The following WDR72 variants were observed in gnomAD, a reference collection of about 807,000 sequenced individuals.
WDR72 encodes WD repeat domain 72, also known as WD repeat-containing protein 72.
WDR72 carries 120 observed loss-of-function variants against 124.2 expected under a neutral mutation model. That is an observed-to-expected ratio of 0.97 (90% CI 0.83 to 1.12). WDR72 has a LOEUF of 1.12. WDR72 is among the 50% of genes most tolerant of loss of function. The pLI is 0.00. For synonymous variants in WDR72, 452 were observed against 441.7 expected, an observed-to-expected ratio of 1.02 and a Z score of -0.29; for missense variants, 1,387 against 1,278.8, an observed-to-expected ratio of 1.08 and a Z score of -1.29.
chr15:53,654,885 T>G (rs1020566901), intron 14 of WDR72, among the ~76,000 whole-genome samples: 3 of 152,206 alleles, frequency 2.0e-5, no homozygotes, highest in African/African-American at 7.2e-5. Context: ...CAAGATATTT[T>G]AAGCTGATCG....
chr15:53,708,731 C>T (rs1353177165), intron 9 of WDR72, among the ~76,000 whole-genome samples: 4 of 152,180 alleles, frequency 2.6e-5, no homozygotes, highest in Admixed American at 6.5e-5. Context: ...CATGCACACA[C>T]ATTTTTTATT....
At position 53,665,686 on chromosome 15, in the gene WDR72, TAC is replaced by T; in HGVS notation, c.1846_1847del (p.Val616ThrfsTer9). The T allele has an allele frequency of 6.2e-7, 1 of 1,613,912 alleles. No individual in the cohort carries two copies. Among genetic ancestry groups the T allele is most frequent in the South Asian group, 1.1e-5 (1 of 91,088 alleles). On this transcript the variant is annotated frameshift_variant, in exon 14 of 20. Coordinates refer to ENST00000360509, the MANE Select transcript of WDR72 (RefSeq NM_182758.4). LOFTEE classifies it high-confidence loss of function. ...TAAGTGTCTCTGAGGCAATGGGAAGTACAGACTTCACAAGCTGTGAATCATCA... is the reference window on the plus strand; with the variant it reads ...TAAGTGTCTCTGAGGCAATGGGAAGTAGACTTCACAAGCTGTGAATCATCA... ...CCDDSQLVKS[V>X]LPIASETLKH... is the part of the protein sequence containing the mutation.
intron 13 of WDR72, among the ~76,000 whole-genome samples, chr15:53,685,524 A>G (rs1274817450): frequency 1.4e-5 from 2 of 142,614 alleles, no homozygotes; most frequent in Non-Finnish European, 3.0e-5. Flanking sequence ...AAGAATAAAA[A>G]GAAATGAGCA....
At chr15:53,527,147 A>T (rs867519099) in intron 18 of WDR72, among the ~76,000 whole-genome samples, 3 of 152,110 alleles carry the variant, frequency 2.0e-5, no homozygotes, top group South Asian at 2.1e-4. Context: ...AATCACATTC[A>T]AGAACACTGT....
intron 14 of WDR72, among the ~76,000 whole-genome samples, chr15:53,652,958 T>C: frequency 6.6e-6 from 1 of 152,188 alleles, no homozygotes; most frequent in East Asian, 1.9e-4. Flanking sequence ...TGTCTAAATA[T>C]CAGTGGAGGC....
At chr15:53,575,006 AACACAC>A (rs3081214) in intron 18 of WDR72, among the ~76,000 whole-genome samples, 1,478 of 147,102 alleles carry the variant, frequency 0.01, 6 homozygotes, top group East Asian at 0.022. Context: ...AATCAAACAC[AACACAC>A]ACACACACAC....
intron 18 of WDR72, among the ~76,000 whole-genome samples, chr15:53,526,434 T>C (rs1201538269): frequency 6.6e-6 from 1 of 152,072 alleles, no homozygotes; most frequent in Middle Eastern, 3.2e-3. Context: ...GCCACAGATA[T>C]AGTTGTTAAA....
chr15:53,697,368 G>T (rs894311022), intron 13 of WDR72, among the ~76,000 whole-genome samples: 7 of 152,102 alleles, frequency 4.6e-5, no homozygotes, highest in Admixed American at 3.9e-4. Flanking sequence ...ATTAATGGAG[G>T]TGACTGCAGA....
chr15:53,619,660 C>T (rs2013910358), intron 14 of WDR72, among the ~76,000 whole-genome samples: 1 of 151,970 alleles, frequency 6.6e-6, no homozygotes, highest in Non-Finnish European at 1.5e-5. Flanking sequence ...GACTTCCTAT[C>T]ACTGCACTGG....
At chr15:53,675,854 A>G (rs1053207570) in intron 13 of WDR72, among the ~76,000 whole-genome samples, 1 of 152,150 alleles carries the variant, frequency 6.6e-6, no homozygotes, top group South Asian at 2.1e-4. Context: ...GTGAAGTCCT[A>G]TGAGAGTTAT....
At chr15:53,638,959 T>C (rs993831782) in intron 14 of WDR72, among the ~76,000 whole-genome samples, 3 of 151,828 alleles carry the variant, frequency 2.0e-5, no homozygotes, top group African/African-American at 7.3e-5. Flanking sequence ...GATTGAGCCA[T>C]TGCACTCCAG....
At chr15:53,753,448 C>A (rs2018822135) in intron 1 of WDR72, among the ~76,000 whole-genome samples, 1 of 152,208 alleles carries the variant, frequency 6.6e-6, no homozygotes, top group Admixed American at 6.5e-5. Context: ...CCAAAACAGA[C>A]TTTCATCAGC....
chr15:53,541,461 A>G (rs1043991263), intron 18 of WDR72, among the ~76,000 whole-genome samples: 2 of 151,024 alleles, frequency 1.3e-5, no homozygotes, highest in Admixed American at 6.6e-5. Flanking sequence ...ACTAACAAAC[A>G]GAAAGGACAT....
rs145019600 is a variant in WDR72, at chr15:53,632,244, T to C, written c.1963-16001A>G. Among the ~76,000 whole-genome samples the C allele has an allele frequency of 4.2e-3, 632 of 152,192 alleles. 4 individuals are homozygous for C. Among genetic ancestry groups the C allele is most frequent in the Non-Finnish European group, 4.6e-3 (311 of 67,990 alleles). On this transcript the variant is annotated intron_variant, in intron 14 of 19. Transcript: ENST00000360509. Reference sequence around the variant, plus strand: ...ATCCCTGCTACTCCAGCACCAGTTGTGGCTCAAAGGGGCCAAGATATAGCT... The same window carrying C: ...ATCCCTGCTACTCCAGCACCAGTTGCGGCTCAAAGGGGCCAAGATATAGCT...
At chr15:53,736,381 G>C (rs560325742) in intron 1 of WDR72, among the ~76,000 whole-genome samples, 1 of 152,256 alleles carries the variant, frequency 6.6e-6, no homozygotes, top group African/African-American at 2.4e-5. Context: ...GGGTGAAGAG[G>C]AGTAATGTAT....
chr15:53,618,415 T>C (rs1397705136), intron 14 of WDR72, among the ~76,000 whole-genome samples: 2 of 152,046 alleles, frequency 1.3e-5, no homozygotes, highest in Non-Finnish European at 2.9e-5. Flanking sequence ...CCTATAACTA[T>C]GGGCCTCTTA....
At chr15:53,664,333 G>T (rs2015706757) in intron 14 of WDR72, among the ~76,000 whole-genome samples, 1 of 152,092 alleles carries the variant, frequency 6.6e-6, no homozygotes, top group African/African-American at 2.4e-5. Flanking sequence ...CATTTTTTAG[G>T]TATTTAGTTA....
intron 14 of WDR72, among the ~76,000 whole-genome samples, chr15:53,650,746 G>C (rs1229070123): frequency 6.6e-6 from 1 of 152,034 alleles, no homozygotes; most frequent in Non-Finnish European, 1.5e-5. Context: ...GTCAACTAGA[G>C]CACATATGTC....
intron 18 of WDR72, among the ~76,000 whole-genome samples, chr15:53,546,228 G>A (rs1470573723): frequency 9.6e-4 from 145 of 151,118 alleles, no homozygotes; most frequent in African/African-American, 3.2e-3. Context: ...TGTTTATTGC[G>A]GCATTATTCA....
Sources: allele counts gnomAD v4.1 joint callset (sites outside exome capture counted in the v4.1 genomes callset), GRCh38; gene constraint gnomAD v4.1.1; transcripts MANE v1.5; gene names NCBI Gene and HGNC (gene_info 2026-07-23, HGNC 2026-07-21).